The following RCBTB2 variants were observed in gnomAD, a reference collection of about 807,000 sequenced individuals.
RCBTB2 encodes the protein RCC1 and BTB domain containing protein 2, also known as RCC1 and BTB domain-containing protein 2.
A neutral mutation model predicts 65.4 loss-of-function variants in RCBTB2; 55 were observed. That is an observed-to-expected ratio of 0.84 (90% CI 0.68 to 1.05). The LOEUF (loss-of-function observed/expected upper bound fraction) is 1.05. Ranked by LOEUF, RCBTB2 falls within the 50% of genes least tolerant of loss-of-function variation. The pLI is 0.00. For synonymous variants in RCBTB2, 220 were observed against 255.2 expected (o/e 0.86, Z 1.31); for missense variants, 599 against 680.1 (o/e 0.88, Z 1.33).
intron 1 of RCBTB2, among the ~76,000 whole-genome samples, chr13:48,531,164 G>A (rs894701119): frequency 6.6e-6 from 1 of 152,114 alleles, no homozygotes; most frequent in Non-Finnish European, 1.5e-5. Context: ...CAGAGGGAAG[G>A]GATCTTTGTC....
At chr13:48,493,309 A>ACTCTCTCTCTCTCTCTCT (rs1429120157) in intron 14 of RCBTB2, among the ~76,000 whole-genome samples, 54 of 47,894 alleles carry the variant, frequency 1.1e-3, no homozygotes, top group South Asian at 2.6e-3. Context: ...ACACACACAC[A>ACTCTCTCTCTCTCTCTCT]CACACACTCT....
chr13:48,503,203 T>C (rs1950326373), intron 10 of RCBTB2, among the ~76,000 whole-genome samples: 1 of 152,164 alleles, frequency 6.6e-6, no homozygotes, highest in African/African-American at 2.4e-5. Context: ...ATATGCACCA[T>C]CCTGTTTTGA....
chr13:48,499,142 A>ACACACACACACACACACT lies in RCBTB2; in HGVS notation c.1384+478_1384+479insAGTGTGTGTGTGTGTGTG, dbSNP rs1366425462. On this transcript the variant is annotated intron_variant, in intron 13 of 14. Coordinates refer to ENST00000344532, the MANE Select transcript of RCBTB2 (RefSeq NM_001268.4). ...CACACACACACACACACACACACAC[A>ACACACACACACACACACT]CTCTCTCTCTCTCTCTCTCTCTCTC... Among the ~76,000 whole-genome samples the ACACACACACACACACACT allele has an allele frequency of 5.7e-4, 75 of 132,360 alleles. 1 individual carries two copies. The highest frequency in any genetic ancestry group is 1.7e-3 in the African/African-American group (58 of 34,240). The allele number at this position is 132,360 out of a possible 152,430, so 86.8% of individuals were successfully genotyped here. A position where few individuals can be genotyped will look rare whatever the true frequency, so the allele number is the denominator to read the frequency against.
At chr13:48,500,462 G>A (rs1327900340) in intron 12 of RCBTB2, among the ~76,000 whole-genome samples, 2 of 152,150 alleles carry the variant, frequency 1.3e-5, no homozygotes, top group South Asian at 2.1e-4. Flanking sequence ...GGAGGCTGAG[G>A]CAGGAGAATC....
chr13:48,494,482 C>T (rs145801442), intron 14 of RCBTB2, among the ~76,000 whole-genome samples: 151 of 152,238 alleles, frequency 9.9e-4, no homozygotes, highest in African/African-American at 3.4e-3. Flanking sequence ...TTAGTAGGTA[C>T]CTACTCTGTG....
At position 48,515,708 on chromosome 13, in the gene RCBTB2, A is replaced by C. The variant is rs561849307; in HGVS notation, c.76T>G (p.Leu26Val). 3.1e-6 allele frequency: 5 copies of C among 1,613,284 alleles called. No individual in the cohort carries two copies. The highest frequency in any genetic ancestry group is 4.5e-5 in the East Asian group (2 of 44,884). Residue 26 changes from leucine to valine, a missense_variant, in exon 5 of 15, where the codon TTA becomes GTA. Transcript: ENST00000344532. The stretch of plus-strand genomic sequence containing the variant: ...AAAATTGGCCACTTTCCCACATCTA[A>C]CATCTTCAAAGATGACAGAGTAGCC... ...VQATLSSLKM[L>V]DVGKWPIFSL...
At position 48,490,111 on chromosome 13, in the gene RCBTB2, T is replaced by G. The variant is rs781153358; in HGVS notation, c.1656A>C (p.Ter552CysextTer8). 1.9e-6 allele frequency: 3 copies of G among 1,613,988 alleles called. No individual in the cohort carries two copies. The South Asian group carries it at 3.3e-5, about 18-fold the overall frequency. Residue 552 changes from the stop codon to cysteine (C), a stop_lost, in exon 15 of 15, where the codon TGA becomes TGC. Transcript: ENST00000344532. ...KASRVGAFKN[*>C] ...CTCAAAAACTTTCCTGCAGATGGGATCAATTTTTAAAGGCTCCAACTCTGC... is the reference window on the plus strand; with the variant it reads ...CTCAAAAACTTTCCTGCAGATGGGAGCAATTTTTAAAGGCTCCAACTCTGC...
chr13:48,508,639 G>T (rs948984988), intron 10 of RCBTB2, among the ~76,000 whole-genome samples: 1 of 152,112 alleles, frequency 6.6e-6, no homozygotes, highest in African/African-American at 2.4e-5. Context: ...CCTGACCTCA[G>T]GTGATCCGCC....
intron 13 of RCBTB2, among the ~76,000 whole-genome samples, chr13:48,496,921 A>G (rs1950012242): frequency 6.6e-6 from 1 of 151,676 alleles, no homozygotes; most frequent in Non-Finnish European, 1.5e-5. Flanking sequence ...TCCTCTCTAC[A>G]GCAAAACTCC....
At chr13:48,509,283 C>A (rs1950659719) in intron 10 of RCBTB2, among the ~76,000 whole-genome samples, 1 of 152,168 alleles carries the variant, frequency 6.6e-6, no homozygotes, top group South Asian at 2.1e-4. Flanking sequence ...GCCGTGATTG[C>A]ACCACTGCAC....
chr13:48,494,410 G>A (rs1181605380), intron 14 of RCBTB2, among the ~76,000 whole-genome samples: 1 of 152,110 alleles, frequency 6.6e-6, no homozygotes, highest in Non-Finnish European at 1.5e-5. Flanking sequence ...CAATTAGCTG[G>A]ACAGGCTGTA....
At chr13:48,505,033 T>A (rs1950426555) in intron 10 of RCBTB2, among the ~76,000 whole-genome samples, 1 of 151,948 alleles carries the variant, frequency 6.6e-6, no homozygotes, top group Non-Finnish European at 1.5e-5. Flanking sequence ...AAACCTAGGT[T>A]TGTTTTTTAT....
rs1346048968 is a variant in RCBTB2 at position 48,489,857 on chromosome 13, A to G, written c.*254T>C. ...GGTGTCCAATTTAAGTGACTCAAAA[A>G]GAGGAAATGGTAAATAAGATATTTC... On this transcript the variant is annotated 3_prime_UTR_variant, in exon 15 of 15. Coordinates refer to ENST00000344532, the MANE Select transcript of RCBTB2 (RefSeq NM_001268.4). 6.2e-6 allele frequency: 3 copies of G among 480,438 alleles called. No homozygotes were observed. Among genetic ancestry groups the G allele is most frequent in the Non-Finnish European group, 1.1e-5 (3 of 268,898 alleles). 29.8% of individuals were successfully genotyped at this position (480,438 alleles called of 1,614,324 possible). A position where few individuals can be genotyped will look rare whatever the true frequency, so the allele number is the denominator to read the frequency against.
chr13:48,523,909 T>C (rs1179912633), intron 2 of RCBTB2, among the ~76,000 whole-genome samples: 1 of 152,198 alleles, frequency 6.6e-6, no homozygotes, highest in Admixed American at 6.5e-5. Flanking sequence ...GGTTAAGACA[T>C]AATTGTATGT....
Position 48,518,472 on chromosome 13 carries a change from A to AAAAAAAATATAT in RCBTB2, c.43-2732_43-2731insATATATTTTTTT, listed in dbSNP as rs1491137365. Among the ~76,000 whole-genome samples the AAAAAAAATATAT allele has an allele frequency of 1.2e-3, 136 of 116,536 alleles. 1 individual carries two copies. Among genetic ancestry groups the AAAAAAAATATAT allele is most frequent in the African/African-American group, 5.1e-3 (134 of 26,516 alleles). The allele number at this position is 116,536 out of a possible 152,430, so 76.5% of individuals were successfully genotyped here. ...AGAGTACTTTGCAAAAAAAAAAAAA[A>AAAAAAAATATAT]ATATATATATATATATATATATATT... On this transcript the variant is annotated intron_variant, in intron 4 of 14. Coordinates refer to ENST00000344532, the MANE Select transcript of RCBTB2 (RefSeq NM_001268.4).
intron 4 of RCBTB2, among the ~76,000 whole-genome samples, chr13:48,521,117 C>T (rs1951400389): frequency 1.3e-5 from 2 of 152,068 alleles, no homozygotes; most frequent in African/African-American, 4.8e-5. Flanking sequence ...TTTCTGTTAA[C>T]ATTTTTGTAG....
intron 3 of RCBTB2, 44 bp downstream of exon 3, chr13:48,522,264 T>C: frequency 8.0e-7 from 1 of 1,247,510 alleles, no homozygotes; most frequent in Non-Finnish European, 1.1e-6. Flanking sequence ...AAAATTTTCA[T>C]TTCAGAGTTG....
At chr13:48,514,527 A>G (rs1950980001) in intron 6 of RCBTB2, among the ~76,000 whole-genome samples, 1 of 152,198 alleles carries the variant, frequency 6.6e-6, no homozygotes, top group African/African-American at 2.4e-5. Context: ...ATTGCCACTG[A>G]ACAATTATTT....
chr13:48,515,098 A>C (rs1951009390), intron 6 of RCBTB2, 107 bp downstream of exon 6: 1 of 1,047,142 alleles, frequency 9.5e-7, no homozygotes, highest in African/African-American at 1.6e-5. Context: ...GGTATCCAAA[A>C]CATAGTCAAT....
Sources: gnomAD v4.1 joint callset for allele counts (sites outside exome capture counted in the v4.1 genomes callset) on GRCh38, gnomAD v4.1.1 for gene constraint, MANE v1.5 for transcripts, NCBI Gene and HGNC (gene_info 2026-07-23, HGNC 2026-07-21) for gene names.